Variants in CADPS2 observed in about 807,000 individuals in gnomAD.
CADPS2 encodes calcium-dependent secretion activator 2.
A neutral mutation model predicts 172.5 loss-of-function variants in CADPS2; 93 were observed. The observed-to-expected ratio is 0.54, with a 90% CI of 0.46 to 0.64. The LOEUF is 0.64. CADPS2 is among the 30% of genes least tolerant of loss of function. The probability of loss-of-function intolerance (pLI) is 0.00; values close to 1 mark genes in which losing one functional copy is unlikely to be tolerated. For missense variants in CADPS2, 1,420 were observed against 1,565.9 expected (o/e 0.91, Z 1.57); for synonymous variants, 546 against 555.2 (o/e 0.98, Z 0.23).
intron 22 of CADPS2, among the ~76,000 whole-genome samples, chr7:122,390,124 CT>C (rs1654233908): frequency 6.6e-6 from 1 of 151,998 alleles, no homozygotes; most frequent in South Asian, 2.1e-4. Flanking sequence ...TGCCCTCAGA[CT>C]TAAGTTCTCT....
intron 3 of CADPS2, among the ~76,000 whole-genome samples, chr7:122,637,943 G>C (rs920679079): frequency 6.6e-6 from 1 of 152,162 alleles, no homozygotes; most frequent in Non-Finnish European, 1.5e-5. Flanking sequence ...TAATGTTTTT[G>C]ATGTTTCATT....
At chr7:122,450,231 G>A (rs950333161) in intron 15 of CADPS2, among the ~76,000 whole-genome samples, 11 of 151,906 alleles carry the variant, frequency 7.2e-5, no homozygotes, top group East Asian at 5.8e-4. Flanking sequence ...TATTCACTAC[G>A]TTTATTTTTT....
intron 12 of CADPS2, among the ~76,000 whole-genome samples, chr7:122,479,379 A>G (rs980041058): frequency 6.6e-6 from 1 of 152,214 alleles, no homozygotes; most frequent in Admixed American, 6.5e-5. Context: ...TAAAAGTGGC[A>G]CAGCAAAGTA....
At chr7:122,616,510 T>A (rs1373839398) in intron 5 of CADPS2, among the ~76,000 whole-genome samples, 1 of 152,128 alleles carries the variant, frequency 6.6e-6, no homozygotes, top group South Asian at 2.1e-4. Flanking sequence ...TCATAAAATA[T>A]ATAGGAAACT....
chr7:122,820,068 A>T (rs868587785), intron 1 of CADPS2, among the ~76,000 whole-genome samples: 11 of 152,246 alleles, frequency 7.2e-5, no homozygotes, highest in South Asian at 2.1e-4. Flanking sequence ...ATCTGTGCCT[A>T]ATCAACCAAA....
chr7:122,444,012 C>T (rs986406676), intron 15 of CADPS2, among the ~76,000 whole-genome samples: 1 of 152,014 alleles, frequency 6.6e-6, no homozygotes, highest in Non-Finnish European at 1.5e-5. Flanking sequence ...CTACTCATTT[C>T]CTTGCTATAA....
At chr7:122,825,039 A>G (rs1804485508) in intron 1 of CADPS2, among the ~76,000 whole-genome samples, 1 of 152,212 alleles carries the variant, frequency 6.6e-6, no homozygotes, top group South Asian at 2.1e-4. Context: ...ACTAAAAACA[A>G]TCCACATGTC....
intron 6 of CADPS2, among the ~76,000 whole-genome samples, chr7:122,610,484 C>T (rs2074160364): frequency 6.6e-6 from 1 of 151,258 alleles, no homozygotes; most frequent in East Asian, 1.9e-4. Flanking sequence ...TCCATTTTTA[C>T]AAACTATCCA....
At chr7:122,834,480 G>A (rs992595158) in intron 1 of CADPS2, among the ~76,000 whole-genome samples, 3 of 152,058 alleles carry the variant, frequency 2.0e-5, no homozygotes, top group Admixed American at 1.3e-4. Flanking sequence ...TCCGAAGCAG[G>A]GTGAGGCAAT....
intron 2 of CADPS2, among the ~76,000 whole-genome samples, chr7:122,692,566 G>A (rs756449717): frequency 3.9e-5 from 6 of 152,142 alleles, no homozygotes; most frequent in Admixed American, 6.5e-5. Context: ...AGGCAGCACC[G>A]CTGCCACTGG....
At chr7:122,668,123 T>G (rs1439274314) in intron 2 of CADPS2, among the ~76,000 whole-genome samples, 2 of 151,912 alleles carry the variant, frequency 1.3e-5, no homozygotes. Flanking sequence ...TGGAAAACAA[T>G]AAGGGCTAGG....
intron 19 of CADPS2, among the ~76,000 whole-genome samples, chr7:122,408,502 G>A (rs1447334037): frequency 6.6e-6 from 1 of 152,096 alleles, no homozygotes; most frequent in Non-Finnish European, 1.5e-5. Flanking sequence ...TCAGCTTACT[G>A]CGACCTCTGC....
chr7:122,554,754 A>T, intron 7 of CADPS2, 65 bp from the exon 8 acceptor site: 1 of 1,339,578 alleles, frequency 7.5e-7, no homozygotes, highest in Non-Finnish European at 9.8e-7. Flanking sequence ...TGGAACTAAA[A>T]TATTTTCTAT....
chr7:122,881,306 A>C (rs991595169), intron 1 of CADPS2, among the ~76,000 whole-genome samples: 1 of 152,184 alleles, frequency 6.6e-6, no homozygotes, highest in Non-Finnish European at 1.5e-5. Context: ...TTTGAAGGAA[A>C]GAAGCAAATG....
chr7:122,409,671 A>G (rs1466333781), intron 19 of CADPS2: 1 of 470,746 alleles, frequency 2.1e-6, no homozygotes, highest in Admixed American at 2.3e-5. Flanking sequence ...TCTTTGAAAA[A>G]TGAAAGCAAC....
intron 1 of CADPS2, among the ~76,000 whole-genome samples, chr7:122,885,422 T>C (rs1824066624): frequency 6.6e-6 from 1 of 151,968 alleles, no homozygotes; most frequent in African/African-American, 2.4e-5. Flanking sequence ...GCTGCATGCC[T>C]TCTCGGTGTT....
chr7:122,608,730 G>C (rs959494985), intron 6 of CADPS2, among the ~76,000 whole-genome samples: 1 of 152,156 alleles, frequency 6.6e-6, no homozygotes, highest in African/African-American at 2.4e-5. Flanking sequence ...AGCACTATGG[G>C]ATGAAGGAGA....
At chr7:122,729,587 T>C (rs1312186214) in intron 2 of CADPS2, among the ~76,000 whole-genome samples, 2 of 151,750 alleles carry the variant, frequency 1.3e-5, no homozygotes, top group African/African-American at 4.8e-5. Flanking sequence ...GATATTTCAT[T>C]GTGGTTTTTA....
At chr7:122,494,204 G>C (rs1450509877) in intron 9 of CADPS2, among the ~76,000 whole-genome samples, 1 of 152,126 alleles carries the variant, frequency 6.6e-6, no homozygotes, top group Admixed American at 6.5e-5. Context: ...GCTTCTGCAG[G>C]AGTTCCAGCC....
Sources: gnomAD v4.1 joint callset for allele counts (sites outside exome capture counted in the v4.1 genomes callset) on GRCh38, gnomAD v4.1.1 for gene constraint, MANE v1.5 for transcripts, NCBI Gene and HGNC (gene_info 2026-07-23, HGNC 2026-07-21) for gene names.